The following TRIM33 variants were observed in gnomAD, a reference collection of about 807,000 sequenced individuals.
TRIM33 encodes the protein E3 ubiquitin-protein ligase TRIM33.
TRIM33 carries 20 observed loss-of-function variants against 125.4 expected under a neutral mutation model. That is an observed-to-expected ratio of 0.16 (90% CI 0.11 to 0.23). The LOEUF is 0.23. Among genes scored for constraint, TRIM33 ranks in the 10% least tolerant of loss-of-function variants. The pLI is 1.00. For synonymous variants in TRIM33, 564 were observed against 513.9 expected (o/e 1.10, Z -1.32); for missense variants, 920 against 1,411.4 (o/e 0.65, Z 5.58).
chr1:114,510,222 G>C (rs1653258093), intron 1 of TRIM33, among the ~76,000 whole-genome samples: 1 of 151,958 alleles, frequency 6.6e-6, no homozygotes, highest in Non-Finnish European at 1.5e-5. Flanking sequence ...TCCTCACAAC[G>C]TGTTTCCCAA....
intron 1 of TRIM33, among the ~76,000 whole-genome samples, chr1:114,497,762 C>T (rs1342148607): frequency 6.6e-6 from 1 of 151,990 alleles, no homozygotes; most frequent in East Asian, 1.9e-4. Context: ...CAACAATTAA[C>T]AGGCCCCACA....
intron 4 of TRIM33, among the ~76,000 whole-genome samples, chr1:114,457,605 C>T (rs2101346403): frequency 6.6e-6 from 1 of 152,270 alleles, no homozygotes; most frequent in Middle Eastern, 3.4e-3. Flanking sequence ...AAGAGGTACT[C>T]ATTATATTTA....
At position 114,415,215 on chromosome 1, in the gene TRIM33, C is replaced by T. The variant is rs375582705; in HGVS notation, c.2062-4899G>A. Among the ~76,000 whole-genome samples, 6 of 152,012 alleles carry T rather than the reference C, an allele frequency of 3.9e-5. No individual in the cohort carries two copies. In the South Asian group the frequency reaches 8.3e-4, roughly 21 times the overall value. On this transcript the variant is annotated intron_variant, in intron 11 of 19. Coordinates refer to ENST00000358465, the MANE Select transcript of TRIM33 (RefSeq NM_015906.4). ...CTTGCTATGTTGCCCAAGCTAGTCT[C>T]GAACTCCTGGCCTCAAGTGCTCTTC...
At chr1:114,498,542 A>G (rs946487069) in intron 1 of TRIM33, among the ~76,000 whole-genome samples, 25 of 152,134 alleles carry the variant, frequency 1.6e-4, no homozygotes, top group African/African-American at 5.6e-4. Flanking sequence ...CCAGCTCCTC[A>G]GCAGGCTGAG....
intron 4 of TRIM33, among the ~76,000 whole-genome samples, chr1:114,442,287 C>T (rs1486633780): frequency 1.3e-5 from 2 of 152,164 alleles, no homozygotes; most frequent in African/African-American, 4.8e-5. Context: ...TTATTTGTTG[C>T]CATAGCTCTG....
intron 4 of TRIM33, among the ~76,000 whole-genome samples, chr1:114,444,136 C>T (rs1648828309): frequency 6.6e-6 from 1 of 152,026 alleles, no homozygotes; most frequent in Admixed American, 6.6e-5. Flanking sequence ...AGAGCAGAGG[C>T]AAAAATCACG....
At chr1:114,402,623 T>C in intron 16 of TRIM33, 137 bp downstream of exon 16, 2 of 1,030,538 alleles carry the variant, frequency 1.9e-6, no homozygotes, top group South Asian at 3.7e-5. Context: ...TCAGAAATCA[T>C]CAATATACCA....
chr1:114,429,219 G>A (rs1430402010), intron 6 of TRIM33, among the ~76,000 whole-genome samples: 4 of 148,120 alleles, frequency 2.7e-5, no homozygotes, highest in African/African-American at 5.0e-5. Context: ...ACGGAGTCTC[G>A]CTCTGTCGCC....
chr1:114,416,265 A>G (rs910276869), intron 11 of TRIM33, among the ~76,000 whole-genome samples: 2 of 152,168 alleles, frequency 1.3e-5, no homozygotes, highest in Non-Finnish European at 2.9e-5. Flanking sequence ...TTACCAACAA[A>G]CAGAAATGTT....
chr1:114,414,581 T>A (rs925282956), intron 11 of TRIM33, among the ~76,000 whole-genome samples: 3 of 152,208 alleles, frequency 2.0e-5, no homozygotes. Context: ...AACAATCCAC[T>A]AAGTTTTATT....
intron 11 of TRIM33, among the ~76,000 whole-genome samples, chr1:114,413,097 C>T (rs1652693100): frequency 6.6e-6 from 1 of 152,112 alleles, no homozygotes; most frequent in African/African-American, 2.4e-5. Flanking sequence ...CTTGCATTTT[C>T]CTAATAACTA....
chr1:114,446,063 C>T (rs1648954513), intron 4 of TRIM33, among the ~76,000 whole-genome samples: 1 of 152,116 alleles, frequency 6.6e-6, no homozygotes, highest in South Asian at 2.1e-4. Flanking sequence ...ACCATGTTGC[C>T]CAGACTGGTC....
intron 11 of TRIM33, among the ~76,000 whole-genome samples, chr1:114,419,368 G>A (rs1042970706): frequency 2.6e-5 from 4 of 152,082 alleles, no homozygotes; most frequent in Non-Finnish European, 4.4e-5. Context: ...CATGGTCTCC[G>A]TGAATTGATT....
At chr1:114,502,122 T>C (rs1652755204) in intron 1 of TRIM33, among the ~76,000 whole-genome samples, 1 of 152,230 alleles carries the variant, frequency 6.6e-6, no homozygotes, top group Admixed American at 6.5e-5. Flanking sequence ...AAGTTTAACT[T>C]CAGTTAATAA....
chr1:114,412,385 A>C (rs114144691), intron 11 of TRIM33, among the ~76,000 whole-genome samples: 1,551 of 152,360 alleles, frequency 0.01, 10 homozygotes, highest in Non-Finnish European at 0.018. Context: ...ACAATAAACT[A>C]AATATATTCA....
rs1226088854 is a variant in TRIM33 at position 114,394,634 on chromosome 1, A to T, written c.*3014T>A. 1 of 205,798 alleles carries T rather than the reference A, an allele frequency of 4.9e-6. No individual in the cohort carries two copies. The highest frequency in any genetic ancestry group is 5.9e-5 in the Admixed American group (1 of 16,836). The allele number at this position is 205,798 out of a possible 1,614,324, so 12.7% of individuals were successfully genotyped here. A position where few individuals can be genotyped will look rare whatever the true frequency, so the allele number is the denominator to read the frequency against. On this transcript the variant is annotated 3_prime_UTR_variant, in exon 20 of 20. Transcript: ENST00000358465. ...GAAGTCAGAAAGTACCAACTTGTTGATCCAAAAATAATAATTTCAATAGTG... is the reference window on the plus strand; with the variant it reads ...GAAGTCAGAAAGTACCAACTTGTTGTTCCAAAAATAATAATTTCAATAGTG...
chr1:114,474,654 G>A (rs1232855022), intron 1 of TRIM33, among the ~76,000 whole-genome samples: 1 of 150,752 alleles, frequency 6.6e-6, no homozygotes, highest in East Asian at 2.0e-4. Flanking sequence ...GAGGCCAAGA[G>A]GCCAAGGCAG....
chr1:114,506,318 G>A (rs1057212168), intron 1 of TRIM33, among the ~76,000 whole-genome samples: 1 of 151,134 alleles, frequency 6.6e-6, no homozygotes, highest in African/African-American at 2.4e-5. Flanking sequence ...AGGAGGTGGA[G>A]GTTGCAGTGA....
At chr1:114,425,761 A>T in intron 8 of TRIM33, 38 bp from the exon 9 acceptor site, 1 of 1,453,020 alleles carries the variant, frequency 6.9e-7, no homozygotes, top group Non-Finnish European at 9.5e-7. Context: ...CATATAATCA[A>T]CTAAATCATC....
Sources: gnomAD v4.1 joint callset for allele counts (sites outside exome capture counted in the v4.1 genomes callset) on GRCh38, gnomAD v4.1.1 for gene constraint, MANE v1.5 for transcripts, NCBI Gene and HGNC (gene_info 2026-07-23, HGNC 2026-07-21) for gene names.